RAI14: variants seen among roughly 807,000 people sequenced by gnomAD.
The protein encoded by RAI14 is retinoic acid induced 14, also known as ankycorbin.
A neutral mutation model predicts 115.4 loss-of-function variants in RAI14; 45 were observed. That is an observed-to-expected ratio of 0.39 (90% CI 0.31 to 0.50). The LOEUF (loss-of-function observed/expected upper bound fraction) is 0.50, where lower values mean the gene tolerates loss of function less well. RAI14 is among the 20% of genes least tolerant of loss of function. The pLI, the probability that RAI14 is intolerant of heterozygous loss-of-function variation, is 0.85. For synonymous variants in RAI14, 371 were observed against 415.4 expected, an observed-to-expected ratio of 0.89 and a Z score of 1.30; for missense variants, 939 against 1,131.2, an observed-to-expected ratio of 0.83 and a Z score of 2.44.
intron 2 of RAI14, among the ~76,000 whole-genome samples, chr5:34,753,215 G>A (rs1013655645): frequency 1.3e-5 from 2 of 152,162 alleles, no homozygotes; most frequent in Admixed American, 1.3e-4. Context: ...TTAGTTTGAT[G>A]GTGGTCTCCA....
At chr5:34,797,562 G>A (rs1048871562) in intron 4 of RAI14, among the ~76,000 whole-genome samples, 1 of 152,108 alleles carries the variant, frequency 6.6e-6, no homozygotes, top group Non-Finnish European at 1.5e-5. Context: ...ATAACAGAAT[G>A]ATTTTTCTGA....
intron 3 of RAI14, among the ~76,000 whole-genome samples, chr5:34,778,753 T>A (rs62355691): frequency 3.7e-5 from 5 of 136,214 alleles, no homozygotes; most frequent in Admixed American, 1.5e-4. Flanking sequence ...TTTTTTTTTT[T>A]AAAGAAAGGA....
intron 2 of RAI14, among the ~76,000 whole-genome samples, chr5:34,698,190 TC>T (rs1291226381): frequency 1.2e-4 from 1 of 8,056 alleles, no homozygotes; most frequent in Non-Finnish European, 4.0e-4. Flanking sequence ...CCTCCTCCCT[TC>T]CCCTCCCTCT....
intron 4 of RAI14, among the ~76,000 whole-genome samples, chr5:34,801,820 C>T (rs1754305440): frequency 6.6e-6 from 1 of 152,114 alleles, no homozygotes. Context: ...CCTGTAATCC[C>T]TGCACTTTGT....
intron 3 of RAI14, among the ~76,000 whole-genome samples, chr5:34,770,784 C>T (rs1750052925): frequency 6.6e-6 from 1 of 152,066 alleles, no homozygotes; most frequent in Non-Finnish European, 1.5e-5. Context: ...GCCTTGTATG[C>T]TACAGGAAGG....
intron 1 of RAI14, among the ~76,000 whole-genome samples, chr5:34,670,263 G>A (rs988582146): frequency 6.6e-6 from 1 of 152,182 alleles, no homozygotes; most frequent in African/African-American, 2.4e-5. Context: ...GTTGTCTCAC[G>A]TGCAGCCCAG....
chr5:34,783,571 T>C (rs892687749), intron 3 of RAI14, among the ~76,000 whole-genome samples: 6 of 152,206 alleles, frequency 3.9e-5, no homozygotes, highest in Non-Finnish European at 5.9e-5. Flanking sequence ...CTGGTTTCTG[T>C]AGATGCTGTT....
chr5:34,682,395 T>TA (rs1301567890), intron 1 of RAI14, among the ~76,000 whole-genome samples: 1 of 152,030 alleles, frequency 6.6e-6, no homozygotes, highest in African/African-American at 2.4e-5. Flanking sequence ...TTTTTTTTTT[T>TA]AAATACTCAA....
At chr5:34,787,893 ATTTTTTTTTTTTTTTTTTTTTTTTT>A (rs70973012) in intron 3 of RAI14, among the ~76,000 whole-genome samples, 16 of 25,116 alleles carry the variant, frequency 6.4e-4, no homozygotes, top group East Asian at 2.7e-3. Flanking sequence ...GATACTACTG[ATTTTTTTTTTTTTTTTTTTTTTTTT>A]TTTTTTTTTT....
At chr5:34,829,867 C>T (rs1757848438) in intron 17 of RAI14, 70 bp downstream of exon 17, 2 of 1,217,560 alleles carry the variant, frequency 1.6e-6, no homozygotes, top group Non-Finnish European at 2.3e-6. Context: ...ACAGAACTCC[C>T]ATCATTTAAC....
At chr5:34,785,524 G>T (rs1039708847) in intron 3 of RAI14, among the ~76,000 whole-genome samples, 1 of 152,070 alleles carries the variant, frequency 6.6e-6, no homozygotes, top group Non-Finnish European at 1.5e-5. Flanking sequence ...TGCAAAATAT[G>T]ACTACTTTGA....
chr5:34,783,311 G>A (rs1397802647), intron 3 of RAI14, among the ~76,000 whole-genome samples: 1 of 152,138 alleles, frequency 6.6e-6, no homozygotes, highest in African/African-American at 2.4e-5. Context: ...TGACAGTTGG[G>A]GTCCTCCTCA....
chr5:34,822,664 C>CTTTTTCTTTTTTT (rs1756991248), intron 14 of RAI14, among the ~76,000 whole-genome samples: 2 of 47,566 alleles, frequency 4.2e-5, no homozygotes, highest in African/African-American at 1.3e-4. Flanking sequence ...CCTTTGGTAT[C>CTTTTTCTTTTTTT]TTTTTTTTTT....
At chr5:34,666,484 C>T (rs1157569271) in intron 1 of RAI14, among the ~76,000 whole-genome samples, 1 of 152,182 alleles carries the variant, frequency 6.6e-6, no homozygotes. Context: ...CTGAAGAAGA[C>T]AGGGCCACAC....
chr5:34,709,317 A>C (rs1217120791), intron 2 of RAI14, among the ~76,000 whole-genome samples: 3 of 152,096 alleles, frequency 2.0e-5, no homozygotes, highest in Non-Finnish European at 4.4e-5. Context: ...GCATGGTGGC[A>C]TGTGCCTATA....
In RAI14 at chr5:34,749,657, C is replaced by CT; in HGVS notation, c.37-7809dup. Among the ~76,000 whole-genome samples the CT allele has an allele frequency of 2.0e-5, 3 of 152,334 alleles. No homozygotes were observed. The Middle Eastern group carries it at 0.01, about 518-fold the overall frequency. ...TGGAAATGATTTGATGAATAGGAAA[C>CT]TTACCGGCCAGCCAATATCATTTGT... On this transcript the variant is annotated intron_variant, in intron 2 of 17. Transcript: ENST00000265109.
intron 1 of RAI14, among the ~76,000 whole-genome samples, chr5:34,662,366 G>C (rs867981098): frequency 6.6e-6 from 1 of 152,158 alleles, no homozygotes; most frequent in Non-Finnish European, 1.5e-5. Flanking sequence ...CTAATGCATT[G>C]TTTCAGTAGA....
intron 2 of RAI14, among the ~76,000 whole-genome samples, chr5:34,714,032 G>A (rs953473543): frequency 2.0e-5 from 3 of 151,256 alleles, no homozygotes; most frequent in African/African-American, 4.9e-5. Flanking sequence ...TCGAACTCCT[G>A]ACCTCATGAT....
intron 15 of RAI14, chr5:34,826,013 TCAATCATACCCA>T: frequency 5.8e-6 from 1 of 171,926 alleles, no homozygotes. Context: ...ATTTTTTTTT[TCAATCATACCCA>T]TTTTAAGAGT....
Sources: allele counts gnomAD v4.1 joint callset (sites outside exome capture counted in the v4.1 genomes callset), GRCh38; gene constraint gnomAD v4.1.1; transcripts MANE v1.5; gene names NCBI Gene and HGNC (gene_info 2026-07-23, HGNC 2026-07-21).